CAST: variants seen among roughly 807,000 people sequenced by gnomAD.
CAST encodes the protein MIR583 host.
Under a neutral mutation model 119.6 loss-of-function variants are expected in CAST, and 76 were observed. The observed-to-expected ratio is 0.64, with a 90% CI of 0.53 to 0.77. CAST has a LOEUF of 0.77. Ranked by LOEUF, CAST falls within the 30% of genes least tolerant of loss-of-function variation. The pLI, the probability that CAST is intolerant of heterozygous loss-of-function variation, is 0.00. For missense variants in CAST, 953 were observed against 946.5 expected (o/e 1.01, Z -0.09); for synonymous variants, 319 against 331.6 (o/e 0.96, Z 0.41).
At chr5:96,360,818 C>T in the CAST span, among the ~76,000 whole-genome samples, 1 of 152,218 alleles carries the variant, frequency 6.6e-6, no homozygotes, top group South Asian at 2.1e-4. Context: ...GTCAGGGAGC[C>T]ACTTGGGGAA....
At chr5:96,489,981 A>C in the CAST span, among the ~76,000 whole-genome samples, 3 of 152,240 alleles carry the variant, frequency 2.0e-5, no homozygotes, top group African/African-American at 4.8e-5. Flanking sequence ...AATGAAGAGG[A>C]TAATGCAGCT....
the CAST span, among the ~76,000 whole-genome samples, chr5:96,074,980 G>A: frequency 6.6e-6 from 1 of 152,080 alleles, no homozygotes; most frequent in Admixed American, 6.5e-5. Context: ...TTTTTCTTTA[G>A]GCTGCAGAGC....
chr5:96,171,381 G>C, the CAST span, among the ~76,000 whole-genome samples: 1 of 152,102 alleles, frequency 6.6e-6, no homozygotes, highest in Non-Finnish European at 1.5e-5. Context: ...AGGGTGGAAG[G>C]TTGCCCATAG....
chr5:96,111,764 G>A, the CAST span, among the ~76,000 whole-genome samples: 21 of 152,148 alleles, frequency 1.4e-4, no homozygotes, highest in Non-Finnish European at 2.9e-4. Flanking sequence ...TGGGAGTCAA[G>A]GTTATATGTT....
At chr5:95,991,206 T>C in the CAST span, among the ~76,000 whole-genome samples, 2 of 152,186 alleles carry the variant, frequency 1.3e-5, no homozygotes, top group African/African-American at 2.4e-5. Flanking sequence ...TCTTAAGATT[T>C]GAAATTTTAA....
At chr5:96,107,933 T>C in the CAST span, among the ~76,000 whole-genome samples, 1 of 152,040 alleles carries the variant, frequency 6.6e-6, no homozygotes, top group Non-Finnish European at 1.5e-5. Flanking sequence ...CTTTTTATTC[T>C]TTTTTCTCTA....
chr5:96,446,096 C>T, the CAST span, among the ~76,000 whole-genome samples: 1 of 149,146 alleles, frequency 6.7e-6, no homozygotes, highest in African/African-American at 2.5e-5. Flanking sequence ...CTCAGACTTC[C>T]AAATGATATA....
chr5:96,248,978 C>T, the CAST span, among the ~76,000 whole-genome samples: 1 of 152,196 alleles, frequency 6.6e-6, no homozygotes, highest in African/African-American at 2.4e-5. Flanking sequence ...GGCTTCTCTA[C>T]CTTCTGAAGG....
intron 1 of CAST, among the ~76,000 whole-genome samples, chr5:96,540,276 C>T (rs1461295552): frequency 1.3e-5 from 2 of 151,886 alleles, no homozygotes; most frequent in African/African-American, 2.4e-5. Context: ...TTTTATAACC[C>T]CTATCTCCAT....
the CAST span, among the ~76,000 whole-genome samples, chr5:96,320,510 T>A: frequency 6.6e-6 from 1 of 152,158 alleles, no homozygotes. Flanking sequence ...AGTGTTGGGA[T>A]TACAGGCGTG....
intron 1 of CAST, among the ~76,000 whole-genome samples, chr5:96,594,180 T>TA (rs1396479448): frequency 6.6e-6 from 1 of 152,232 alleles, no homozygotes; most frequent in Non-Finnish European, 1.5e-5. Flanking sequence ...AATGATGTTG[T>TA]AAGAAACATG....
intron 1 of CAST, among the ~76,000 whole-genome samples, chr5:96,585,921 G>A (rs1380958378): frequency 2.0e-5 from 3 of 152,148 alleles, no homozygotes; most frequent in Admixed American, 1.3e-4. Context: ...AACAGCTGGC[G>A]TTTCTATTAA....
chr5:96,615,556 G>A (rs574900592), intron 1 of CAST, among the ~76,000 whole-genome samples: 9 of 152,270 alleles, frequency 5.9e-5, no homozygotes, highest in Non-Finnish European at 8.8e-5. Context: ...TGGCTGAGAC[G>A]CACATTGAGG....
At chr5:96,412,293 T>C in the CAST span, 1 of 1,602,744 alleles carries the variant, frequency 6.2e-7, no homozygotes, top group African/African-American at 1.3e-5. Flanking sequence ...TTTCATTTCA[T>C]GTGGGTCTGT....
chr5:96,645,397 G>A (rs756791805), intron 1 of CAST, among the ~76,000 whole-genome samples: 1 of 151,948 alleles, frequency 6.6e-6, no homozygotes, highest in Non-Finnish European at 1.5e-5. Flanking sequence ...TTATTATTTC[G>A]CCCTTTCTAT....
At chr5:96,118,065 G>A in the CAST span, among the ~76,000 whole-genome samples, 1 of 152,286 alleles carries the variant, frequency 6.6e-6, no homozygotes, top group East Asian at 1.9e-4. Context: ...TGCTGTAGTT[G>A]GAAAAGTATT....
At chr5:96,647,499 G>A (rs958784302) in intron 1 of CAST, among the ~76,000 whole-genome samples, 1 of 152,074 alleles carries the variant, frequency 6.6e-6, no homozygotes, top group Non-Finnish European at 1.5e-5. Flanking sequence ...TTTTCTAAGT[G>A]TTATGAGTTG....
chr5:96,443,268 T>C, the CAST span, among the ~76,000 whole-genome samples: 1 of 152,230 alleles, frequency 6.6e-6, no homozygotes, highest in African/African-American at 2.4e-5. Context: ...TATAATGCCC[T>C]GAAAGTACAT....
At chr5:96,594,393 A>G (rs1747017557) in intron 1 of CAST, among the ~76,000 whole-genome samples, 1 of 152,238 alleles carries the variant, frequency 6.6e-6, no homozygotes, top group African/African-American at 2.4e-5. Context: ...AAAACAGTCG[A>G]GTTAGCCTTG....
Sources: allele counts gnomAD v4.1 joint callset (sites outside exome capture counted in the v4.1 genomes callset), GRCh38; gene constraint gnomAD v4.1.1; transcripts MANE v1.5; gene names NCBI Gene and HGNC (gene_info 2026-07-23, HGNC 2026-07-21).